The following RGS7 variants were observed in gnomAD, a reference collection of about 807,000 sequenced individuals.
The protein encoded by RGS7 is regulator of G-protein signaling 7.
RGS7 carries 27 observed loss-of-function variants against 81.1 expected under a neutral mutation model. The observed-to-expected ratio is 0.33, with a 90% CI of 0.25 to 0.46. The LOEUF is 0.46. Among genes scored for constraint, RGS7 ranks in the 20% least tolerant of loss-of-function variants. RGS7 has a pLI of 1.00. For synonymous variants in RGS7, 208 were observed against 207.7 expected, an observed-to-expected ratio of 1.00 and a Z score of -0.01; for missense variants, 396 against 607.4, an observed-to-expected ratio of 0.65 and a Z score of 3.66.
At chr1:241,019,516 C>T (rs1256005791) in intron 3 of RGS7, among the ~76,000 whole-genome samples, 2 of 152,072 alleles carry the variant, frequency 1.3e-5, no homozygotes, top group Non-Finnish European at 2.9e-5. Context: ...AGCTCCCCAC[C>T]CCGCAACAGG....
At chr1:241,048,847 C>G (rs1033590783) in intron 3 of RGS7, among the ~76,000 whole-genome samples, 3 of 152,186 alleles carry the variant, frequency 2.0e-5, no homozygotes. Flanking sequence ...AGCTACAGGT[C>G]TGAGACTGAT....
At chr1:240,798,985 C>T (rs1558267932) in intron 18 of RGS7, among the ~76,000 whole-genome samples, 1 of 152,006 alleles carries the variant, frequency 6.6e-6, no homozygotes, top group African/African-American at 2.4e-5. Flanking sequence ...CTTTATCTTC[C>T]ATTAAATTAT....
At chr1:241,354,916 G>A (rs1005568857) in intron 2 of RGS7, among the ~76,000 whole-genome samples, 2 of 152,220 alleles carry the variant, frequency 1.3e-5, no homozygotes, top group Admixed American at 1.3e-4. Flanking sequence ...TAGTAAGATT[G>A]TTGATGATAA....
intron 2 of RGS7, among the ~76,000 whole-genome samples, chr1:241,135,471 C>G (rs957347475): frequency 1.3e-5 from 2 of 152,080 alleles, no homozygotes; most frequent in Admixed American, 1.3e-4. Flanking sequence ...TTGCTCCACA[C>G]GGCCTCGTGT....
intron 18 of RGS7, among the ~76,000 whole-genome samples, chr1:240,792,685 C>T (rs371138686): frequency 1.3e-5 from 2 of 152,126 alleles, no homozygotes; most frequent in East Asian, 1.9e-4. Context: ...TAAGGAAGTT[C>T]GTGGAAAGCC....
chr1:241,114,452 CCTTT>C (rs149836423), intron 2 of RGS7, among the ~76,000 whole-genome samples: 2,543 of 152,054 alleles, frequency 0.017, 71 homozygotes, highest in African/African-American at 0.059. Context: ...GAATACATAG[CCTTT>C]CTTTGTTTTC....
intron 2 of RGS7, among the ~76,000 whole-genome samples, chr1:241,140,398 G>T (rs141348038): frequency 1.3e-5 from 2 of 152,120 alleles, no homozygotes; most frequent in Non-Finnish European, 2.9e-5. Flanking sequence ...CCTTAACCTT[G>T]TCAACCCTTC....
rs1348650947 is a variant in RGS7, at chr1:240,927,221, C to T, written c.385+3496G>A. On this transcript the variant is annotated intron_variant, in intron 6 of 18. Coordinates refer to ENST00000440928, the MANE Select transcript of RGS7 (RefSeq NM_001364886.1). ...AGCTGGGACTACAGACGTGCGCCAC[C>T]ATGCCCAGCTAATTTTTGTATTTTT... is the stretch of plus-strand genomic sequence containing the variant. Among the ~76,000 whole-genome samples the T allele has an allele frequency of 2.0e-5, 3 of 152,272 alleles. No homozygotes were observed. In the East Asian group the frequency reaches 5.8e-4, roughly 29 times the overall value.
chr1:240,933,951 ACT>A (rs1413421760), intron 5 of RGS7, among the ~76,000 whole-genome samples: 2 of 151,508 alleles, frequency 1.3e-5, no homozygotes, highest in African/African-American at 4.8e-5. Context: ...TGCTTTGAAG[ACT>A]CTTTAGATTT....
chr1:241,018,008 C>A (rs553900631), intron 3 of RGS7, among the ~76,000 whole-genome samples: 2 of 151,998 alleles, frequency 1.3e-5, no homozygotes, highest in Non-Finnish European at 2.9e-5. Context: ...ACTCTGTTGC[C>A]CAGGCTGGGG....
At chr1:241,301,644 T>C (rs1418880123) in intron 2 of RGS7, among the ~76,000 whole-genome samples, 1 of 152,352 alleles carries the variant, frequency 6.6e-6, no homozygotes, top group Non-Finnish European at 1.5e-5. Flanking sequence ...AAATTGTGAA[T>C]TTATTAAAAT....
chr1:240,940,365 C>T (rs1482307621), intron 4 of RGS7, among the ~76,000 whole-genome samples: 2 of 152,144 alleles, frequency 1.3e-5, no homozygotes, highest in Non-Finnish European at 2.9e-5. Flanking sequence ...ATTAATCTGC[C>T]TGGTATCCAC....
At chr1:241,215,861 A>G (rs576010679) in intron 2 of RGS7, among the ~76,000 whole-genome samples, 1 of 152,378 alleles carries the variant, frequency 6.6e-6, no homozygotes, top group Admixed American at 6.5e-5. Context: ...ATCTTATACA[A>G]GCACTTCTAC....
chr1:241,266,243 A>C (rs1334614108), intron 2 of RGS7, among the ~76,000 whole-genome samples: 1 of 152,170 alleles, frequency 6.6e-6, no homozygotes, highest in Non-Finnish European at 1.5e-5. Context: ...CATTTTAATC[A>C]TGTTATTTTT....
chr1:240,887,228 T>TGTTGTTGTTG (rs56882265), intron 6 of RGS7, among the ~76,000 whole-genome samples: 20 of 144,092 alleles, frequency 1.4e-4, no homozygotes, highest in South Asian at 4.3e-4. Flanking sequence ...GTATATAGGT[T>TGTTGTTGTTG]TTTTTTTTTT....
chr1:241,273,184 C>T (rs928323247), intron 2 of RGS7, among the ~76,000 whole-genome samples: 1 of 144,176 alleles, frequency 6.9e-6, no homozygotes, highest in African/African-American at 2.5e-5. Flanking sequence ...AACCCCCCCC[C>T]CCAAAGGATA....
At chr1:241,320,473 A>G (rs1212599986) in intron 2 of RGS7, among the ~76,000 whole-genome samples, 2 of 152,262 alleles carry the variant, frequency 1.3e-5, no homozygotes, top group African/African-American at 4.8e-5. Context: ...TGACACTCCC[A>G]TAACTTAAAC....
At chr1:241,099,446 A>G (rs2064553560) in intron 2 of RGS7, among the ~76,000 whole-genome samples, 3 of 152,242 alleles carry the variant, frequency 2.0e-5, no homozygotes, top group Middle Eastern at 6.8e-3. Flanking sequence ...ACACACACAC[A>G]TATGTATACA....
intron 2 of RGS7, among the ~76,000 whole-genome samples, chr1:241,265,994 A>G (rs972287992): frequency 5.3e-5 from 8 of 151,970 alleles, no homozygotes; most frequent in African/African-American, 1.9e-4. Context: ...GGGTTTCTCC[A>G]TGTTGGTCAG....
Sources: allele counts gnomAD v4.1 joint callset (sites outside exome capture counted in the v4.1 genomes callset), GRCh38; gene constraint gnomAD v4.1.1; transcripts MANE v1.5; gene names NCBI Gene and HGNC (gene_info 2026-07-23, HGNC 2026-07-21).